Variants in VWA8 observed in about 807,000 individuals in gnomAD.
VWA8 encodes the protein von Willebrand factor A domain containing 8, also known as von Willebrand factor A domain-containing protein 8.
VWA8 carries 221 observed loss-of-function variants against 241.5 expected under a neutral mutation model. That is an observed-to-expected ratio of 0.91 (90% CI 0.82 to 1.02). The LOEUF (loss-of-function observed/expected upper bound fraction) is 1.02. Among genes scored for constraint, VWA8 ranks in the 50% least tolerant of loss-of-function variants. The pLI, the probability that VWA8 is intolerant of heterozygous loss-of-function variation, is 0.00. For synonymous variants in VWA8, 852 were observed against 827.1 expected (o/e 1.03, Z -0.52); for missense variants, 2,322 against 2,328.7 (o/e 1.00, Z 0.06).
At chr13:41,763,308 A>AATAGATAG (rs542268211) in intron 20 of VWA8, among the ~76,000 whole-genome samples, 170 of 145,888 alleles carry the variant, frequency 1.2e-3, no homozygotes, top group Middle Eastern at 3.5e-3. Context: ...TAAATAAATA[A>AATAGATAG]ATAGATAGAT....
intron 43 of VWA8, among the ~76,000 whole-genome samples, chr13:41,573,922 G>A (rs1018589034): frequency 7.9e-5 from 12 of 152,006 alleles, no homozygotes; most frequent in Admixed American, 1.3e-4. Flanking sequence ...GTGCCTGGCC[G>A]TAAAAAATAA....
chr13:41,842,831 CA>C (rs1225403282), intron 12 of VWA8, among the ~76,000 whole-genome samples: 1 of 152,118 alleles, frequency 6.6e-6, no homozygotes, highest in African/African-American at 2.4e-5. Flanking sequence ...ATTCATGAAC[CA>C]GGTTCCACCA....
chr13:41,689,647 C>T (rs1593698562), intron 33 of VWA8, 139 bp from the exon 34 acceptor site: 3 of 876,972 alleles, frequency 3.4e-6, no homozygotes, highest in East Asian at 6.2e-5. Context: ...CATTCATGGG[C>T]TTTTGTTTGA....
chr13:41,729,798 GACACAC>G (rs59345894), intron 22 of VWA8, 121 bp from the exon 23 acceptor site: 12,292 of 443,934 alleles, frequency 0.028, 398 homozygotes, highest in African/African-American at 0.14. Flanking sequence ...TATACACGTA[GACACAC>G]ACACACACAC....
intron 21 of VWA8, among the ~76,000 whole-genome samples, chr13:41,738,821 G>C (rs2045545166): frequency 6.6e-6 from 1 of 152,076 alleles, no homozygotes; most frequent in African/African-American, 2.4e-5. Flanking sequence ...AAAAATGGAA[G>C]AATGAAATAA....
chr13:41,748,652 A>C (rs1033254300), intron 21 of VWA8, among the ~76,000 whole-genome samples: 1 of 152,054 alleles, frequency 6.6e-6, no homozygotes, highest in Admixed American at 6.6e-5. Flanking sequence ...TACTGGTACC[A>C]AAACAGAGAT....
intron 43 of VWA8, among the ~76,000 whole-genome samples, chr13:41,571,310 C>CCTCCCTCTCCCTCCTCCCT (rs2044300971): frequency 3.7e-5 from 4 of 107,520 alleles, no homozygotes; most frequent in Admixed American, 1.1e-4. Flanking sequence ...CCCTCTCCCT[C>CCTCCCTCTCCCTCCTCCCT]CTCCCTCTCC....
At chr13:41,947,532 A>G (rs1012096746) in intron 2 of VWA8, among the ~76,000 whole-genome samples, 18 of 152,232 alleles carry the variant, frequency 1.2e-4, no homozygotes, top group Non-Finnish European at 2.2e-4. Context: ...ATGTCTGACT[A>G]TGGCTGTAAT....
At chr13:41,750,896 A>AAC (rs1380024277) in intron 21 of VWA8, among the ~76,000 whole-genome samples, 3 of 152,032 alleles carry the variant, frequency 2.0e-5, no homozygotes, top group Non-Finnish European at 4.4e-5. Context: ...TAAAAAAAAA[A>AAC]AAAAACTCAA....
intron 9 of VWA8, among the ~76,000 whole-genome samples, chr13:41,882,175 G>A (rs1874258464): frequency 6.6e-6 from 1 of 151,144 alleles, no homozygotes; most frequent in African/African-American, 2.4e-5. Flanking sequence ...GGGGCGGCAG[G>A]GCAGAGGCTC....
chr13:41,807,129 G>C (rs560150173), intron 17 of VWA8, among the ~76,000 whole-genome samples: 51 of 152,136 alleles, frequency 3.4e-4, no homozygotes, highest in South Asian at 1.0e-3. Flanking sequence ...AACCTCTCAA[G>C]ATTGAACTAC....
chr13:41,848,021 G>C (rs1286670914), intron 12 of VWA8, among the ~76,000 whole-genome samples: 1 of 152,138 alleles, frequency 6.6e-6, no homozygotes, highest in Non-Finnish European at 1.5e-5. Flanking sequence ...TTTTGGAAAT[G>C]TTCATGGTTA....
Position 41,895,193 on chromosome 13 carries a change from G to T in VWA8, c.484-3606C>A, listed in dbSNP as rs139514174. The stretch of plus-strand genomic sequence containing the variant: ...AGTTTATAACTGATACATATCAGGC[G>T]CTTCCAAGTATACTATTTAATTTAA... On this transcript the variant is annotated intron_variant, in intron 4 of 44. Coordinates refer to ENST00000379310, the MANE Select transcript of VWA8 (RefSeq NM_015058.2). 1.1e-4 allele frequency among the ~76,000 whole-genome samples: 17 copies of T among 152,100 alleles called. No homozygotes were observed. In the East Asian group the frequency reaches 3.3e-3, roughly 29 times the overall value.
intron 12 of VWA8, among the ~76,000 whole-genome samples, chr13:41,849,003 T>G (rs557459400): frequency 6.6e-6 from 1 of 152,336 alleles, no homozygotes; most frequent in South Asian, 2.1e-4. Flanking sequence ...CCAAGATACT[T>G]CAACTCCACA....
chr13:41,704,597 G>C (rs928214637), intron 26 of VWA8, among the ~76,000 whole-genome samples: 6 of 151,908 alleles, frequency 3.9e-5, no homozygotes, highest in Non-Finnish European at 8.8e-5. Context: ...AAGTAGCAGG[G>C]ACTACAGGCA....
chr13:41,648,582 T>C (rs1329508038), intron 37 of VWA8, among the ~76,000 whole-genome samples: 2 of 152,238 alleles, frequency 1.3e-5, no homozygotes, highest in Non-Finnish European at 2.9e-5. Flanking sequence ...ATTTCATCTA[T>C]GTCTATAAAA....
At chr13:41,762,911 T>C (rs187493236) in intron 20 of VWA8, among the ~76,000 whole-genome samples, 204 of 151,804 alleles carry the variant, frequency 1.3e-3, no homozygotes, top group African/African-American at 4.7e-3. Flanking sequence ...GGAAAAGGAG[T>C]GAGGATTCTG....
At chr13:41,760,032 G>T (rs966500620) in intron 21 of VWA8, among the ~76,000 whole-genome samples, 2 of 151,682 alleles carry the variant, frequency 1.3e-5, no homozygotes, top group African/African-American at 2.4e-5. Flanking sequence ...GATAGGTATG[G>T]AGTAACTCTT....
At chr13:41,729,765 G>A in intron 22 of VWA8, 88 bp from the exon 23 acceptor site, 2 of 1,330,334 alleles carry the variant, frequency 1.5e-6, no homozygotes, top group Non-Finnish European at 2.1e-6. Context: ...ACTTATAACA[G>A]CTGGCTTTAT....
Sources: allele counts gnomAD v4.1 joint callset (sites outside exome capture counted in the v4.1 genomes callset), GRCh38; gene constraint gnomAD v4.1.1; transcripts MANE v1.5; gene names NCBI Gene and HGNC (gene_info 2026-07-23, HGNC 2026-07-21).